PHEX: variants seen among roughly 807,000 people sequenced by gnomAD.
PHEX encodes phosphate regulating endopeptidase X-linked.
Under a neutral mutation model 68.0 loss-of-function variants are expected in PHEX, and 16 were observed. The observed-to-expected ratio is 0.24, with a 90% CI of 0.16 to 0.36. PHEX has a LOEUF of 0.36. Among genes scored for constraint, PHEX ranks in the 10% least tolerant of loss-of-function variants. The pLI, the probability that PHEX is intolerant of heterozygous loss-of-function variation, is 1.00. For missense variants in PHEX, 480 were observed against 575.5 expected (o/e 0.83, Z 1.70); for synonymous variants, 208 against 205.1 (o/e 1.01, Z -0.12).
intron 3 of PHEX, among the ~76,000 whole-genome samples, chrX:22,062,596 C>T (rs925145197): frequency 9.0e-6 from 1 of 111,351 alleles, no homozygotes; most frequent in African/African-American, 3.3e-5. Flanking sequence ...ACCCAGTAGC[C>T]TCGTGGGACT....
chrX:22,107,077 G>A (rs188389177), intron 9 of PHEX, among the ~76,000 whole-genome samples: 7 of 112,057 alleles, frequency 6.2e-5, no homozygotes, highest in African/African-American at 1.9e-4. Flanking sequence ...ATATGTGATC[G>A]TGAGTTTACT....
At chrX:22,101,438 A>G in intron 9 of PHEX, among the ~76,000 whole-genome samples, 1 of 111,929 alleles carries the variant, frequency 8.9e-6, no homozygotes, top group Non-Finnish European at 1.9e-5. Context: ...CATAATTGCC[A>G]TATTGGTCAG....
At chrX:22,209,726 G>C (rs770627181) in intron 15 of PHEX, among the ~76,000 whole-genome samples, 13 of 40,909 alleles carry the variant, frequency 3.2e-4, no homozygotes, top group South Asian at 3.0e-3. Context: ...TGCTCCCTCT[G>C]CTCCCTCTGC....
intron 3 of PHEX, among the ~76,000 whole-genome samples, chrX:22,065,512 G>A (rs1326614836): frequency 5.4e-5 from 6 of 110,556 alleles, no homozygotes; most frequent in African/African-American, 1.6e-4. Context: ...TGCAAGCTCC[G>A]ACTCCCTGGT....
chrX:22,206,206 C>T (rs1040339093), intron 15 of PHEX, among the ~76,000 whole-genome samples: 2 of 111,832 alleles, frequency 1.8e-5, no homozygotes, highest in Non-Finnish European at 3.8e-5. Flanking sequence ...AGATCTGGTA[C>T]TGAATGTGGA....
chrX:22,184,080 A>T (rs1933958201), intron 14 of PHEX, among the ~76,000 whole-genome samples: 1 of 112,040 alleles, frequency 8.9e-6, no homozygotes, highest in African/African-American at 3.2e-5. Context: ...AAGGGTATTA[A>T]ATTGGTTAAC....
intron 12 of PHEX, among the ~76,000 whole-genome samples, chrX:22,137,563 T>C (rs1270871741): frequency 1.8e-5 from 2 of 111,748 alleles, no homozygotes; most frequent in Non-Finnish European, 3.8e-5. Context: ...GCCTAGGTAC[T>C]GGACTTCTCC....
chrX:22,116,540 A>G (rs5951698), intron 11 of PHEX, among the ~76,000 whole-genome samples: 16,019 of 111,565 alleles, frequency 0.14, 2,712 homozygotes, highest in African/African-American at 0.49. Context: ...ATGATTGTTC[A>G]AATGATTGGT....
intron 12 of PHEX, among the ~76,000 whole-genome samples, chrX:22,162,294 G>A (rs1243056369): frequency 1.8e-5 from 2 of 112,380 alleles, no homozygotes; most frequent in African/African-American, 6.5e-5. Flanking sequence ...CCATTGATAA[G>A]AGGGTTGCCT....
intron 3 of PHEX, among the ~76,000 whole-genome samples, chrX:22,073,635 GTTTTTTTTTTTTTTTTT>G (rs1182752837): frequency 1.1e-4 from 6 of 53,218 alleles, no homozygotes; most frequent in South Asian, 2.2e-3. Context: ...CTGTGCTATA[GTTTTTTTTTTTTTTTTT>G]TTTTTTTTTT....
chrX:22,073,778 T>C (rs889404157), intron 3 of PHEX, among the ~76,000 whole-genome samples: 1 of 107,199 alleles, frequency 9.3e-6, no homozygotes, highest in Admixed American at 1.0e-4. Flanking sequence ...TAGCTGGGAC[T>C]ACAGGTGTGC....
At position 22,076,441 on chromosome X, in the gene PHEX, G is replaced by A. The variant is rs1037767064; in HGVS notation, c.403G>A (p.Ala135Thr). Residue 135 changes from alanine to threonine, a missense_variant, in exon 4 of 22, where the codon GCC becomes ACC. Ala to Thr is a moderately conservative substitution (Grantham distance 58). Coordinates refer to ENST00000379374, the MANE Select transcript of PHEX (RefSeq NM_000444.6). The stretch of plus-strand genomic sequence containing the variant: ...GCGGGACACCGAAGCCATACAGAAA[G>A]CCAAAATCCTTTATTCATCCTGCAT... ...RRRDTEAIQK[A>T]KILYSSCMNE... 3.3e-6 allele frequency: 4 copies of A among 1,200,941 alleles called. No homozygotes were observed. The East Asian group carries it at 8.9e-5, about 27-fold the overall frequency.
chrX:22,083,179 TC>T (rs1009852488), intron 5 of PHEX, among the ~76,000 whole-genome samples: 3 of 111,967 alleles, frequency 2.7e-5, no homozygotes, highest in African/African-American at 9.7e-5. Flanking sequence ...TATACAAAAA[TC>T]AACTCAAGAT....
intron 20 of PHEX, among the ~76,000 whole-genome samples, chrX:22,235,649 T>C (rs1415013701): frequency 9.0e-6 from 1 of 111,681 alleles, no homozygotes; most frequent in African/African-American, 3.3e-5. Flanking sequence ...CAACTCCTAA[T>C]GCCATCACAT....
chrX:22,066,178 T>C (rs768491535), intron 3 of PHEX, among the ~76,000 whole-genome samples: 22 of 111,962 alleles, frequency 2.0e-4, no homozygotes, highest in African/African-American at 7.1e-4. Context: ...AATGTCATGT[T>C]GAGGGATGTA....
intron 15 of PHEX, among the ~76,000 whole-genome samples, chrX:22,201,405 G>C (rs1313150794): frequency 9.0e-6 from 1 of 111,242 alleles, no homozygotes; most frequent in Non-Finnish European, 1.9e-5. Context: ...GGCTGGTCTC[G>C]AACTCTTGAC....
At chrX:22,065,724 G>A (rs753799051) in intron 3 of PHEX, among the ~76,000 whole-genome samples, 8 of 111,673 alleles carry the variant, frequency 7.2e-5, no homozygotes, top group South Asian at 7.4e-4. Flanking sequence ...GCGCCCGGCC[G>A]GCCCAAGCAT....
intron 16 of PHEX, among the ~76,000 whole-genome samples, chrX:22,213,484 T>C (rs183329064): frequency 1.8e-5 from 2 of 112,191 alleles, no homozygotes; most frequent in African/African-American, 6.5e-5. Context: ...AGCAAGTTAG[T>C]AAGATAATCG....
At chrX:22,065,419 A>G (rs1227429031) in intron 3 of PHEX, among the ~76,000 whole-genome samples, 1 of 111,564 alleles carries the variant, frequency 9.0e-6, no homozygotes, top group Non-Finnish European at 1.9e-5. Context: ...CACTTCTTTA[A>G]GGCTCAAGCA....
Sources: allele counts gnomAD v4.1 joint callset (sites outside exome capture counted in the v4.1 genomes callset), GRCh38; gene constraint gnomAD v4.1.1; transcripts MANE v1.5; gene names NCBI Gene and HGNC (gene_info 2026-07-23, HGNC 2026-07-21).